Variants in HEPACAM2 observed in about 807,000 individuals in gnomAD.
The protein encoded by HEPACAM2 is HEPACAM family member 2.
HEPACAM2 carries 49 observed loss-of-function variants against 49.6 expected under a neutral mutation model. The observed-to-expected ratio is 0.99, with a 90% CI of 0.78 to 1.25. The LOEUF (loss-of-function observed/expected upper bound fraction) is 1.25, where lower values mean the gene tolerates loss of function less well. Ranked by LOEUF, HEPACAM2 falls within the 50% of genes most tolerant of loss-of-function variation. The pLI is 0.00. For synonymous variants in HEPACAM2, 197 were observed against 202.9 expected, an observed-to-expected ratio of 0.97 and a Z score of 0.25; for missense variants, 525 against 557.2, an observed-to-expected ratio of 0.94 and a Z score of 0.58.
chr7:93,222,350 G>A (rs1794467069), intron 1 of HEPACAM2, among the ~76,000 whole-genome samples: 1 of 152,056 alleles, frequency 6.6e-6, no homozygotes, highest in Non-Finnish European at 1.5e-5. Flanking sequence ...ACTAACTTAA[G>A]ATATGTAAAT....
At chr7:93,220,180 G>A (rs925498186) in intron 1 of HEPACAM2, among the ~76,000 whole-genome samples, 45 of 152,198 alleles carry the variant, frequency 3.0e-4, no homozygotes, top group African/African-American at 9.9e-4. Context: ...CTAAGATGGG[G>A]ATGCAATAGG....
At chr7:93,209,308 C>T (rs1794115946) in intron 3 of HEPACAM2, among the ~76,000 whole-genome samples, 2 of 151,844 alleles carry the variant, frequency 1.3e-5, no homozygotes, top group Admixed American at 1.3e-4. Context: ...ACATGATAAT[C>T]GTACGTATTT....
chr7:93,190,775 T>A (rs947191508), intron 9 of HEPACAM2, among the ~76,000 whole-genome samples: 3 of 152,060 alleles, frequency 2.0e-5, no homozygotes, highest in Non-Finnish European at 1.5e-5. Flanking sequence ...AGGGTGTTTT[T>A]TTTTTAAGAA....
intron 1 of HEPACAM2, among the ~76,000 whole-genome samples, chr7:93,219,867 A>T (rs1228384527): frequency 6.6e-6 from 1 of 152,242 alleles, no homozygotes; most frequent in Non-Finnish European, 1.5e-5. Flanking sequence ...ATTTCCTCCC[A>T]ACAGTTTCCC....
Position 93,219,669 on chromosome 7 carries a change from C to T in HEPACAM2, c.80-218G>A, listed in dbSNP as rs565412217. On this transcript the variant is annotated intron_variant, in intron 1 of 9. Transcript: ENST00000394468. ...CCACCCAAAGACCGTGCTGGTTGCACAAGATAAAAAGGAAAAGCAGAAGTT... is the reference window on the plus strand; with the variant it reads ...CCACCCAAAGACCGTGCTGGTTGCATAAGATAAAAAGGAAAAGCAGAAGTT... The T allele has an allele frequency of 5.5e-4, 384 of 699,890 alleles. No homozygotes were observed. In the African/African-American group the frequency reaches 6.4e-3, roughly 12 times the overall value. 43.4% of individuals were successfully genotyped at this position (699,890 alleles called of 1,614,324 possible).
At chr7:93,221,546 A>AG (rs1355721529) in intron 1 of HEPACAM2, among the ~76,000 whole-genome samples, 2 of 152,222 alleles carry the variant, frequency 1.3e-5, no homozygotes, top group Non-Finnish European at 2.9e-5. Context: ...GAGTGGAGGT[A>AG]GAAGCAAAGA....
At chr7:93,213,027 C>T (rs1192651664) in intron 3 of HEPACAM2, among the ~76,000 whole-genome samples, 1 of 152,022 alleles carries the variant, frequency 6.6e-6, no homozygotes, top group African/African-American at 2.4e-5. Flanking sequence ...CATCTGTTCT[C>T]TTTAACAATT....
At chr7:93,204,641 C>T (rs776652632) in intron 4 of HEPACAM2, among the ~76,000 whole-genome samples, 1 of 151,990 alleles carries the variant, frequency 6.6e-6, no homozygotes, top group Non-Finnish European at 1.5e-5. Flanking sequence ...AGTATCTCTA[C>T]GTACATAGCA....
In HEPACAM2 at chr7:93,208,543, G is replaced by A. The variant is rs369278033; in HGVS notation, c.1012+37C>T. On this transcript the variant is annotated intron_variant, in intron 4 of 9. Transcript: ENST00000394468. ...AAGTGCAAGGCCAGCATGCATTCAT[G>A]TTTTATTAGGATCCCTTCCTTGTAT... 6.3e-6 allele frequency: 10 copies of A among 1,576,462 alleles called. No homozygotes were observed. The African/African-American group carries it at 1.4e-4, about 21-fold the overall frequency.
chr7:93,222,195 A>C (rs998842184), intron 1 of HEPACAM2, among the ~76,000 whole-genome samples: 2 of 152,158 alleles, frequency 1.3e-5, no homozygotes, highest in Non-Finnish European at 2.9e-5. Context: ...GGAGATCAGC[A>C]CAGGAAAAGA....
At chr7:93,195,209 T>A (rs1347888432) in intron 8 of HEPACAM2, among the ~76,000 whole-genome samples, 1 of 151,900 alleles carries the variant, frequency 6.6e-6, no homozygotes, top group Non-Finnish European at 1.5e-5. Context: ...TAAATTAGGG[T>A]CTCCTGATCC....
At chr7:93,223,595 G>A (rs569316133) in intron 1 of HEPACAM2, among the ~76,000 whole-genome samples, 1 of 152,214 alleles carries the variant, frequency 6.6e-6, no homozygotes, top group Admixed American at 6.5e-5. Flanking sequence ...CAATATCTCT[G>A]AATAGGTTCA....
rs575324968 is a variant in HEPACAM2, at chr7:93,195,876, G to A, written c.1227C>T (p.Phe409=). The change falls in exon 8 of 10, where the codon TTC becomes TTT. Residue 409 remains phenylalanine (F), a synonymous_variant. Coordinates refer to ENST00000394468, the MANE Select transcript of HEPACAM2 (RefSeq NM_001039372.4). ...FSGHEDALDD[F]GIYEFVAFPD... ...GAAAAGCAACAAATTCATATATTCC[G>A]AAGTCATCCAGAGCATCTTCATGGC... The A allele has an allele frequency of 2.5e-5, 41 of 1,612,864 alleles. No individual in the cohort carries two copies. Among genetic ancestry groups the A allele is most frequent in the Middle Eastern group, 1.7e-4 (1 of 6,052 alleles).
chr7:93,192,210 GC>G (rs1158115335), intron 9 of HEPACAM2, 43 bp downstream of exon 9: 1 of 1,406,970 alleles, frequency 7.1e-7, no homozygotes, highest in Admixed American at 1.7e-5. Context: ...AAAGCTAAAT[GC>G]TTAGCCTCTC....
At chr7:93,213,496 T>A (rs1794228387) in intron 3 of HEPACAM2, among the ~76,000 whole-genome samples, 1 of 152,134 alleles carries the variant, frequency 6.6e-6, no homozygotes, top group African/African-American at 2.4e-5. Flanking sequence ...CAAAGCACTA[T>A]AATGAAGAAG....
chr7:93,195,911 AAAACAAATACTGCTTAC>A lies in HEPACAM2; in HGVS notation c.1202-27_1202-11del. 1 of 1,600,206 alleles carries A rather than the reference AAAACAAATACTGCTTAC, an allele frequency of 6.2e-7. No homozygotes were observed. The highest frequency in any genetic ancestry group is 8.6e-7 in the Non-Finnish European group (1 of 1,168,656). ...AGAGCATCTTCATGGCCTGAAATGT[AAAACAAATACTGCTTAC>A]AAACCGAATGCCTTGATTTGCTGTT... On this transcript the variant is annotated splice_polypyrimidine_tract_variant and intron_variant, in intron 7 of 9. Coordinates refer to ENST00000394468, the MANE Select transcript of HEPACAM2 (RefSeq NM_001039372.4).
At chr7:93,198,280 A>G (rs948512140) in intron 4 of HEPACAM2, among the ~76,000 whole-genome samples, 3 of 152,194 alleles carry the variant, frequency 2.0e-5, no homozygotes, top group East Asian at 3.9e-4. Context: ...TGCTAATAAC[A>G]TCTGCTCTGT....
chr7:93,219,402 G>A lies in HEPACAM2; in HGVS notation c.129C>T (p.Gly43=), dbSNP rs1362751035. 1.2e-5 allele frequency: 20 copies of A among 1,613,978 alleles called. No individual in the cohort carries two copies. The highest frequency in any genetic ancestry group is 6.7e-5 in the East Asian group (3 of 44,866). ...GTAGGTAGAGGGCCTGACCTCTGACGCCATGGACAGTGTGTGATGGCACTG... is the reference window on the plus strand; with the variant it reads ...GTAGGTAGAGGGCCTGACCTCTGACACCATGGACAGTGTGTGATGGCACTG... The part of the protein sequence containing the change: ...KVTVPSHTVH[G]VRGQALYLPV... The change falls in exon 2 of 10, where the codon GGC becomes GGT. Residue 43 remains glycine, a synonymous_variant. Transcript: ENST00000394468.
intron 9 of HEPACAM2, among the ~76,000 whole-genome samples, chr7:93,191,507 C>A (rs780968745): frequency 1.3e-5 from 2 of 152,094 alleles, no homozygotes; most frequent in Non-Finnish European, 2.9e-5. Context: ...ATGTTCTTTT[C>A]AAAGTCAATA....
Sources: allele counts gnomAD v4.1 joint callset (sites outside exome capture counted in the v4.1 genomes callset), GRCh38; gene constraint gnomAD v4.1.1; transcripts MANE v1.5; gene names NCBI Gene and HGNC (gene_info 2026-07-23, HGNC 2026-07-21).